KLF12: variants seen among roughly 807,000 people sequenced by gnomAD.
KLF12 encodes Krueppel-like factor 12.
KLF12 carries 9 observed loss-of-function variants against 37.8 expected under a neutral mutation model. The ratio of observed to expected loss-of-function variants is 0.24; its 90% CI spans 0.14 to 0.42. The LOEUF is 0.42. Ranked by LOEUF, KLF12 falls within the 10% of genes least tolerant of loss-of-function variation. The pLI is 1.00. For synonymous variants in KLF12, 208 were observed against 202.1 expected (o/e 1.03, Z -0.25); for missense variants, 411 against 516.0 (o/e 0.80, Z 1.97).
chr13:73,992,588 A>T (rs182534686), intron 2 of KLF12, among the ~76,000 whole-genome samples: 1 of 152,184 alleles, frequency 6.6e-6, no homozygotes, highest in Non-Finnish European at 1.5e-5. Context: ...TTAGAACCTA[A>T]GCAGAAAGGC....
chr13:74,293,064 C>T, the KLF12 span, among the ~76,000 whole-genome samples: 2 of 152,300 alleles, frequency 1.3e-5, no homozygotes, highest in South Asian at 2.1e-4. Context: ...TCTGAACACC[C>T]CTGCCTCATA....
chr13:73,956,613 A>G (rs558658111), intron 2 of KLF12, among the ~76,000 whole-genome samples: 11 of 152,102 alleles, frequency 7.2e-5, no homozygotes, highest in Non-Finnish European at 1.0e-4. Flanking sequence ...GATTCTATGA[A>G]CTCATTAGAA....
At chr13:74,144,682 T>C in the KLF12 span, among the ~76,000 whole-genome samples, 13 of 152,162 alleles carry the variant, frequency 8.5e-5, no homozygotes, top group Admixed American at 5.9e-4. Flanking sequence ...CCTGGTACTT[T>C]TATGTCTAAG....
intron 2 of KLF12, among the ~76,000 whole-genome samples, chr13:73,950,316 T>C (rs1252145930): frequency 1.3e-5 from 2 of 152,176 alleles, no homozygotes; most frequent in African/African-American, 4.8e-5. Context: ...GGAGCCAAAA[T>C]TTACTATTGG....
chr13:73,993,874 C>CCCA (rs1892034882), intron 2 of KLF12, among the ~76,000 whole-genome samples: 1 of 131,022 alleles, frequency 7.6e-6, no homozygotes. Flanking sequence ...CCCTCCTTCT[C>CCCA]CCAGAGAACC....
At chr13:74,294,763 T>TA in the KLF12 span, among the ~76,000 whole-genome samples, 1 of 152,240 alleles carries the variant, frequency 6.6e-6, no homozygotes, top group East Asian at 1.9e-4. Context: ...GTCTAAGAAA[T>TA]ATTTCTCTCT....
the KLF12 span, among the ~76,000 whole-genome samples, chr13:74,277,138 T>C: frequency 2.6e-5 from 4 of 152,226 alleles, no homozygotes; most frequent in Admixed American, 6.5e-5. Flanking sequence ...TCTTGCTCCC[T>C]ATTCTCTTTT....
chr13:73,955,706 C>T (rs986062309), intron 2 of KLF12, among the ~76,000 whole-genome samples: 1 of 152,116 alleles, frequency 6.6e-6, no homozygotes, highest in Non-Finnish European at 1.5e-5. Flanking sequence ...TATTACTGAA[C>T]GTATTTAACA....
chr13:73,885,354 T>A (rs1486700088), intron 3 of KLF12, among the ~76,000 whole-genome samples: 1 of 152,182 alleles, frequency 6.6e-6, no homozygotes, highest in Non-Finnish European at 1.5e-5. Flanking sequence ...AATTCATAAG[T>A]GAGAACTTTT....
Position 73,960,293 on chromosome 13 carries a change from T to C in KLF12, c.34-16223A>G, listed in dbSNP as rs114216960. ...TTCCTATAACTTTAAAAATAATGCA[T>C]ATGAGACAGAAAAAGCATGCTAAAA... On this transcript the variant is annotated intron_variant, in intron 2 of 7. Coordinates refer to ENST00000377669, the MANE Select transcript of KLF12 (RefSeq NM_007249.5). 4.8e-3 allele frequency: 1,217 copies of C among 255,306 alleles called. 19 individuals are homozygous for C. Among genetic ancestry groups the C allele is most frequent in the African/African-American group, 0.024 (1,093 of 44,838 alleles). The allele number at this position is 255,306 out of a possible 1,614,324, so 15.8% of individuals were successfully genotyped here.
intron 5 of KLF12, among the ~76,000 whole-genome samples, chr13:73,799,369 C>A (rs143515089): frequency 6.6e-6 from 1 of 152,010 alleles, no homozygotes; most frequent in East Asian, 1.9e-4. Context: ...CATGAGTTTA[C>A]CTATGTAACA....
At chr13:74,291,460 G>A in the KLF12 span, among the ~76,000 whole-genome samples, 1 of 152,184 alleles carries the variant, frequency 6.6e-6, no homozygotes, top group African/African-American at 2.4e-5. Flanking sequence ...CCCCAAGCAT[G>A]GCTCTCTGGG....
At chr13:73,829,381 C>T (rs1884025652) in intron 4 of KLF12, among the ~76,000 whole-genome samples, 1 of 152,022 alleles carries the variant, frequency 6.6e-6, no homozygotes, top group South Asian at 2.1e-4. Context: ...ATCAACATAT[C>T]TGTTTAAATA....
chr13:73,906,959 T>A (rs1593706654), intron 3 of KLF12, among the ~76,000 whole-genome samples: 1 of 152,176 alleles, frequency 6.6e-6, no homozygotes, highest in African/African-American at 2.4e-5. Context: ...TTTATATACA[T>A]TGGTCCTCAG....
chr13:73,888,569 A>G (rs1415330562), intron 3 of KLF12, among the ~76,000 whole-genome samples: 1 of 152,206 alleles, frequency 6.6e-6, no homozygotes, highest in African/African-American at 2.4e-5. Context: ...GTTAGTTAAA[A>G]AGAGAAGGTT....
At chr13:74,191,222 C>G in the KLF12 span, among the ~76,000 whole-genome samples, 1 of 152,156 alleles carries the variant, frequency 6.6e-6, no homozygotes, top group East Asian at 1.9e-4. Context: ...TCTGAATTAG[C>G]AGGAAAATTC....
the KLF12 span, among the ~76,000 whole-genome samples, chr13:74,162,569 G>C: frequency 6.6e-6 from 1 of 152,072 alleles, no homozygotes; most frequent in Non-Finnish European, 1.5e-5. Context: ...TGAAATAGTA[G>C]GATTTAATGC....
chr13:74,285,487 T>G, the KLF12 span, among the ~76,000 whole-genome samples: 1 of 152,216 alleles, frequency 6.6e-6, no homozygotes, highest in Non-Finnish European at 1.5e-5. Flanking sequence ...CACAATTGCA[T>G]AACTGCAGAC....
chr13:73,907,039 G>A (rs1193828461), intron 3 of KLF12, among the ~76,000 whole-genome samples: 1 of 152,156 alleles, frequency 6.6e-6, no homozygotes, highest in East Asian at 1.9e-4. Flanking sequence ...GGGGACAGTA[G>A]AAGCACATTT....
Sources: gnomAD v4.1 joint callset for allele counts (sites outside exome capture counted in the v4.1 genomes callset) on GRCh38, gnomAD v4.1.1 for gene constraint, MANE v1.5 for transcripts, NCBI Gene and HGNC (gene_info 2026-07-23, HGNC 2026-07-21) for gene names.